The following RYR3 variants were observed in gnomAD, a reference collection of about 807,000 sequenced individuals.
The protein encoded by RYR3 is ryanodine receptor 3.
A neutral mutation model predicts 584.3 loss-of-function variants in RYR3; 207 were observed. The observed-to-expected ratio is 0.35, with a 90% CI of 0.32 to 0.40. The LOEUF (loss-of-function observed/expected upper bound fraction) is 0.40, where lower values mean the gene tolerates loss of function less well. Ranked by LOEUF, RYR3 falls within the 10% of genes least tolerant of loss-of-function variation. RYR3 has a pLI of 1.00. For synonymous variants in RYR3, 2,416 were observed against 2,248.5 expected (o/e 1.07, Z -2.11); for missense variants, 5,616 against 6,089.2 (o/e 0.92, Z 2.59).
chr15:33,482,175 T>C (rs2050034484), intron 2 of RYR3, among the ~76,000 whole-genome samples: 1 of 152,130 alleles, frequency 6.6e-6, no homozygotes, highest in Non-Finnish European at 1.5e-5. Context: ...AATGTCTTTA[T>C]TTTGTCCCTG....
At chr15:33,566,582 G>T (rs1017890807) in intron 11 of RYR3, 96 bp from the exon 12 acceptor site, 3 of 1,337,018 alleles carry the variant, frequency 2.2e-6, no homozygotes, top group East Asian at 2.3e-5. Flanking sequence ...TTGGAGAAAG[G>T]AATAAGAGGG....
rs372728963 is a variant in RYR3, at chr15:33,311,054, A to C, written c.9A>C (p.Glu3Asp). 5.1e-6 allele frequency: 8 copies of C among 1,581,704 alleles called. No homozygotes were observed. Among genetic ancestry groups the C allele is most frequent in the African/African-American group, 2.8e-5 (2 of 72,276 alleles). Residue 3 changes from glutamate (E) to aspartate (D), a missense_variant, in exon 1 of 104, where the codon GAA becomes GAC. Physicochemically the swap from Glu to Asp is conservative, Grantham distance 45. Coordinates refer to ENST00000634891, the MANE Select transcript of RYR3 (RefSeq NM_001036.6). This position sits in a 1 kb window ranked among gnomAD's most constrained non-coding sequence, Gnocchi z 4.4. The stretch of plus-strand genomic sequence containing the variant: ...CCGACGCCTCGGGAGCCATGGCCGA[A>C]GGGGGAGAAGGAGGCGAGGACGAGA... MA[E>D]GGEGGEDEIQ...
intron 10 of RYR3, among the ~76,000 whole-genome samples, chr15:33,555,589 G>C (rs2057013856): frequency 6.6e-6 from 1 of 152,146 alleles, no homozygotes; most frequent in Admixed American, 6.5e-5. Flanking sequence ...TCTGCCATAT[G>C]CTGTTCATAT....
At chr15:33,551,046 T>G (rs1529850) in intron 10 of RYR3, among the ~76,000 whole-genome samples, 108,380 of 152,006 alleles carry the variant, frequency 0.71, 40,213 homozygotes, top group Middle Eastern at 0.86. Flanking sequence ...AGAAACCGCC[T>G]CCTTTAAGGT....
At position 33,703,377 on chromosome 15, in the gene RYR3, C is replaced by T. The variant is rs115823500; in HGVS notation, c.6483+2297C>T. Among the ~76,000 whole-genome samples the T allele has an allele frequency of 5.8e-3, 886 of 152,014 alleles. 9 individuals are homozygous for T. Among genetic ancestry groups the T allele is most frequent in the African/African-American group, 0.02 (831 of 41,546 alleles). On this transcript the variant is annotated intron_variant, in intron 42 of 103. Coordinates refer to ENST00000634891, the MANE Select transcript of RYR3 (RefSeq NM_001036.6). ...TAAACATCGGAAATTTATTTTCTCA[C>T]AGTTCTGGAAGCTGGAAGTCCAAGA... is the stretch of plus-strand genomic sequence containing the variant.
chr15:33,819,904 G>A, intron 77 of RYR3, 97 bp downstream of exon 77: 1 of 903,852 alleles, frequency 1.1e-6, no homozygotes, highest in Non-Finnish European at 1.7e-6. Context: ...GCAGGCCTGG[G>A]ACTTTGTCAT....
intron 48 of RYR3, among the ~76,000 whole-genome samples, chr15:33,735,955 A>C (rs560843440): frequency 7.9e-5 from 12 of 152,362 alleles, no homozygotes; most frequent in African/African-American, 2.4e-4. Context: ...GCACATAATC[A>C]GTGACTATAT....
intron 65 of RYR3, 37 bp downstream of exon 65, chr15:33,780,378 A>G (rs770912060): frequency 4.4e-6 from 7 of 1,607,604 alleles, no homozygotes; most frequent in Middle Eastern, 1.7e-4. Flanking sequence ...AACCCATTTC[A>G]TGTGCTGAGA....
At chr15:33,677,227 A>T (rs1165066223) in intron 38 of RYR3, among the ~76,000 whole-genome samples, 2 of 152,132 alleles carry the variant, frequency 1.3e-5, no homozygotes, top group Non-Finnish European at 2.9e-5. Context: ...GGCCATGGGG[A>T]TGGAGAGAGG....
intron 5 of RYR3, among the ~76,000 whole-genome samples, chr15:33,537,534 G>T (rs56362555): frequency 0.38 from 33,658 of 88,618 alleles, 3,959 homozygotes; most frequent in African/African-American, 0.47. Flanking sequence ...TTCTATATTG[G>T]AAATTTTTTT....
At chr15:33,541,080 G>A (rs769773491) in intron 7 of RYR3, among the ~76,000 whole-genome samples, 190 bp downstream of exon 7, 3 of 152,054 alleles carry the variant, frequency 2.0e-5, no homozygotes, top group Non-Finnish European at 2.9e-5. Context: ...CCAGTTACAT[G>A]AGCATCCCTG....
At chr15:33,691,655 T>C (rs2065444042) in intron 38 of RYR3, among the ~76,000 whole-genome samples, 1 of 152,212 alleles carries the variant, frequency 6.6e-6, no homozygotes, top group South Asian at 2.1e-4. Context: ...AAAAAAACAC[T>C]GAACTTTAAT....
intron 24 of RYR3, among the ~76,000 whole-genome samples, chr15:33,634,058 TG>T (rs573807299): frequency 3.9e-5 from 6 of 152,292 alleles, no homozygotes; most frequent in Admixed American, 2.6e-4. Flanking sequence ...TGTTTTGTTT[TG>T]TTTTTTTAAT....
At chr15:33,587,321 A>G (rs2058905800) in intron 16 of RYR3, among the ~76,000 whole-genome samples, 1 of 152,168 alleles carries the variant, frequency 6.6e-6, no homozygotes, top group Non-Finnish European at 1.5e-5. Context: ...AACACGTGCT[A>G]GGAGCCACGG....
chr15:33,579,524 T>TA (rs1426298780), intron 12 of RYR3, among the ~76,000 whole-genome samples: 10 of 151,976 alleles, frequency 6.6e-5, no homozygotes, highest in Non-Finnish European at 1.5e-4. Flanking sequence ...TGTTTTTATT[T>TA]TAAAAAAAAA....
chr15:33,525,953 A>G (rs760004946), intron 3 of RYR3, among the ~76,000 whole-genome samples: 4 of 152,194 alleles, frequency 2.6e-5, no homozygotes, highest in African/African-American at 4.8e-5. Context: ...ATGCTTGGAA[A>G]ATGACTTCAT....
chr15:33,773,713 C>T (rs2073788595), intron 64 of RYR3, 98 bp downstream of exon 64: 1 of 803,290 alleles, frequency 1.2e-6, no homozygotes, highest in Non-Finnish European at 2.1e-6. Flanking sequence ...CCAGCAAGAC[C>T]AAAATGCTCA....
chr15:33,444,690 G>A (rs1169374155), intron 1 of RYR3, among the ~76,000 whole-genome samples: 1 of 152,204 alleles, frequency 6.6e-6, no homozygotes, highest in African/African-American at 2.4e-5. Context: ...GACCTGAGCG[G>A]TGGGTCAACC....
chr15:33,406,215 C>T (rs999880459), intron 1 of RYR3, among the ~76,000 whole-genome samples: 1 of 152,312 alleles, frequency 6.6e-6, no homozygotes, highest in South Asian at 2.1e-4. Context: ...ATAGGAATCC[C>T]ATTGGATGCC....
Sources: allele counts gnomAD v4.1 joint callset (sites outside exome capture counted in the v4.1 genomes callset), GRCh38; gene constraint gnomAD v4.1.1; non-coding constraint Gnocchi (gnomAD v3.1); transcripts MANE v1.5; gene names NCBI Gene and HGNC (gene_info 2026-07-23, HGNC 2026-07-21).